Variants in NSMCE2 observed in about 807,000 individuals in gnomAD.
NSMCE2 encodes the protein E3 SUMO-protein ligase NSE2.
Under a neutral mutation model 23.8 loss-of-function variants are expected in NSMCE2, and 24 were observed. The ratio of observed to expected loss-of-function variants is 1.01; its 90% CI spans 0.73 to 1.42. NSMCE2 has a LOEUF of 1.42. Ranked by LOEUF, NSMCE2 falls within the 40% of genes most tolerant of loss-of-function variation. The pLI is 0.00. For missense variants in NSMCE2, 284 were observed against 296.5 expected, an observed-to-expected ratio of 0.96 and a Z score of 0.31; for synonymous variants, 92 against 94.1, an observed-to-expected ratio of 0.98 and a Z score of 0.13.
intron 4 of NSMCE2, among the ~76,000 whole-genome samples, chr8:125,152,824 G>A (rs1402040682): frequency 1.5e-4 from 23 of 152,004 alleles, no homozygotes; most frequent in Non-Finnish European, 3.2e-4. Flanking sequence ...TTGGGAGGCC[G>A]AGGCAGGCGG....
intron 5 of NSMCE2, among the ~76,000 whole-genome samples, chr8:125,185,743 A>C (rs1403598187): frequency 6.6e-6 from 1 of 152,240 alleles, no homozygotes; most frequent in Non-Finnish European, 1.5e-5. Context: ...TTACATGTTA[A>C]TATAAACAGT....
At chr8:125,292,692 A>G (rs1448356673) in intron 5 of NSMCE2, among the ~76,000 whole-genome samples, 1 of 152,252 alleles carries the variant, frequency 6.6e-6, no homozygotes, top group Admixed American at 6.5e-5. Flanking sequence ...TACCACCTGT[A>G]GTGCTGTTGG....
At position 125,119,690 on chromosome 8, in the gene NSMCE2, A is replaced by G. The variant is rs372814144; in HGVS notation, c.157+17203A>G. Reference sequence around the variant, plus strand: ...AACAGACTTTAGGATTATTTTTGAGACATCAGATTCCTTTTTAAAAGACAT... The same window carrying G: ...AACAGACTTTAGGATTATTTTTGAGGCATCAGATTCCTTTTTAAAAGACAT... On this transcript the variant is annotated intron_variant, in intron 3 of 7. Transcript: ENST00000287437. Among the ~76,000 whole-genome samples the G allele has an allele frequency of 2.6e-5, 4 of 152,314 alleles. No homozygotes were observed. In the East Asian group the frequency reaches 7.7e-4, roughly 29 times the overall value.
chr8:125,260,450 G>A (rs183973961), intron 5 of NSMCE2, among the ~76,000 whole-genome samples: 42 of 151,336 alleles, frequency 2.8e-4, no homozygotes, highest in South Asian at 6.3e-4. Context: ...TTTCGTGTGT[G>A]GTAGTTGCTT....
At chr8:125,277,655 C>G (rs1827517860) in intron 5 of NSMCE2, among the ~76,000 whole-genome samples, 1 of 152,028 alleles carries the variant, frequency 6.6e-6, no homozygotes. Context: ...TACAGGCACC[C>G]GCCACCACAC....
At chr8:125,324,505 C>A (rs1586769791) in intron 5 of NSMCE2, among the ~76,000 whole-genome samples, 1 of 90,256 alleles carries the variant, frequency 1.1e-5, no homozygotes, top group African/African-American at 4.5e-5. Flanking sequence ...ATACATGCAG[C>A]AAGGTGCCAG....
chr8:125,286,594 T>C (rs1329812569), intron 5 of NSMCE2, among the ~76,000 whole-genome samples: 5 of 152,302 alleles, frequency 3.3e-5, no homozygotes, highest in East Asian at 3.9e-4. Flanking sequence ...ATTACAGGCA[T>C]GAGCCACTGC....
intron 5 of NSMCE2, among the ~76,000 whole-genome samples, chr8:125,347,279 C>G (rs189681589): frequency 2.4e-4 from 36 of 152,300 alleles, no homozygotes; most frequent in African/African-American, 7.7e-4. Flanking sequence ...CTTTCCAGAG[C>G]CCATGTTCCT....
intron 5 of NSMCE2, among the ~76,000 whole-genome samples, chr8:125,208,039 C>G (rs1824184299): frequency 6.6e-6 from 1 of 152,142 alleles, no homozygotes; most frequent in Non-Finnish European, 1.5e-5. Flanking sequence ...ATACTGTGGC[C>G]AGATTGTCAG....
chr8:125,152,621 A>G (rs1821095041), intron 4 of NSMCE2, among the ~76,000 whole-genome samples: 1 of 152,230 alleles, frequency 6.6e-6, no homozygotes, highest in African/African-American at 2.4e-5. Flanking sequence ...TTCTATCTTT[A>G]ACTTTCATAC....
intron 1 of NSMCE2, among the ~76,000 whole-genome samples, chr8:125,099,697 A>C (rs566649106): frequency 8.5e-5 from 13 of 152,164 alleles, no homozygotes; most frequent in East Asian, 1.9e-4. Flanking sequence ...TGACAAGAGC[A>C]GTTGCAGTGG....
intron 3 of NSMCE2, among the ~76,000 whole-genome samples, chr8:125,111,167 A>C (rs1275745088): frequency 6.6e-6 from 1 of 152,206 alleles, no homozygotes; most frequent in African/African-American, 2.4e-5. Flanking sequence ...CAGCCAAAAA[A>C]GTTTTCACTG....
At chr8:125,241,703 T>A (rs1327353867) in intron 5 of NSMCE2, among the ~76,000 whole-genome samples, 4 of 152,154 alleles carry the variant, frequency 2.6e-5, no homozygotes, top group African/African-American at 9.7e-5. Context: ...AGGTAAACAG[T>A]AGTGGTGATT....
intron 5 of NSMCE2, among the ~76,000 whole-genome samples, chr8:125,249,697 C>G (rs543704309): frequency 6.6e-6 from 1 of 152,284 alleles, no homozygotes; most frequent in African/African-American, 2.4e-5. Flanking sequence ...TTGAAGGACA[C>G]AAGATTCCTT....
chr8:125,359,758 G>T (rs1813447782), intron 7 of NSMCE2, among the ~76,000 whole-genome samples: 1 of 152,134 alleles, frequency 6.6e-6, no homozygotes, highest in Non-Finnish European at 1.5e-5. Flanking sequence ...ACACAGTAGG[G>T]CTCAGTAAAA....
intron 5 of NSMCE2, among the ~76,000 whole-genome samples, chr8:125,288,237 G>T (rs889024236): frequency 6.6e-6 from 1 of 152,078 alleles, no homozygotes; most frequent in Non-Finnish European, 1.5e-5. Flanking sequence ...ATGCTACTGC[G>T]TGAGCTCCCT....
At chr8:125,157,399 T>C (rs1586534076) in intron 4 of NSMCE2, among the ~76,000 whole-genome samples, 2 of 152,214 alleles carry the variant, frequency 1.3e-5, no homozygotes, top group African/African-American at 4.8e-5. Context: ...TTTTCATCTG[T>C]AGGAACATTG....
chr8:125,263,236 G>A (rs1244807082), intron 5 of NSMCE2, among the ~76,000 whole-genome samples: 1 of 152,174 alleles, frequency 6.6e-6, no homozygotes, highest in Non-Finnish European at 1.5e-5. Context: ...CAAAGCGATT[G>A]AATATAAATC....
In NSMCE2 at chr8:125,231,243, G is replaced by C. The variant is rs140596648; in HGVS notation, c.418+48987G>C. On this transcript the variant is annotated intron_variant, in intron 5 of 7. Coordinates refer to ENST00000287437, the MANE Select transcript of NSMCE2 (RefSeq NM_173685.4). ...AGTAGGGTGACCTAATACACAGAAA[G>C]TGCTGTGCCACATAATGAGGATTCA... 1.0e-3 allele frequency among the ~76,000 whole-genome samples: 152 copies of C among 152,314 alleles called. 1 individual carries two copies. Among genetic ancestry groups the C allele is most frequent in the African/African-American group, 3.3e-3 (139 of 41,572 alleles).
Sources: gnomAD v4.1 joint callset for allele counts (sites outside exome capture counted in the v4.1 genomes callset) on GRCh38, gnomAD v4.1.1 for gene constraint, MANE v1.5 for transcripts, NCBI Gene and HGNC (gene_info 2026-07-23, HGNC 2026-07-21) for gene names.